MDGA2: variants seen among roughly 807,000 people sequenced by gnomAD.
The protein encoded by MDGA2 is MAM domain containing glycosylphosphatidylinositol anchor 2.
MDGA2 carries 40 observed loss-of-function variants against 117.8 expected under a neutral mutation model. The observed-to-expected ratio is 0.34, with a 90% CI of 0.26 to 0.44. MDGA2 has a LOEUF of 0.44. MDGA2 is among the 20% of genes least tolerant of loss of function. The pLI is 1.00. For missense variants in MDGA2, 1,123 were observed against 1,250.6 expected (o/e 0.90, Z 1.54); for synonymous variants, 452 against 439.0 (o/e 1.03, Z -0.37).
chr14:47,372,215 C>T (rs1891375878), intron 1 of MDGA2, among the ~76,000 whole-genome samples: 1 of 151,256 alleles, frequency 6.6e-6, no homozygotes, highest in South Asian at 2.1e-4. Context: ...CTGAGCAAAC[C>T]ACAATGACTG....
intron 2 of MDGA2, among the ~76,000 whole-genome samples, chr14:47,253,407 C>T (rs1887511947): frequency 1.3e-5 from 2 of 152,174 alleles, no homozygotes; most frequent in Non-Finnish European, 2.9e-5. Context: ...ACACCAGTTC[C>T]AAATGAAAGA....
chr14:47,664,021 A>C (rs1897897298), intron 1 of MDGA2, among the ~76,000 whole-genome samples: 1 of 152,112 alleles, frequency 6.6e-6, no homozygotes, highest in Non-Finnish European at 1.5e-5. Flanking sequence ...TTTAGGATAC[A>C]CTAATGTTCT....
At chr14:47,477,883 G>C (rs1389291884) in intron 1 of MDGA2, among the ~76,000 whole-genome samples, 3 of 152,106 alleles carry the variant, frequency 2.0e-5, no homozygotes, top group Non-Finnish European at 4.4e-5. Context: ...TTCTTTTATA[G>C]AGGAGAAAAC....
At chr14:46,873,189 T>TC (rs1882084796) in intron 14 of MDGA2, 1 of 384,340 alleles carries the variant, frequency 2.6e-6, no homozygotes. Flanking sequence ...AACTCATTGA[T>TC]TGTCTACCTG....
At chr14:47,389,589 AACACACACACACACACCCAC>A (rs752195926) in intron 1 of MDGA2, among the ~76,000 whole-genome samples, 13,955 of 130,494 alleles carry the variant, frequency 0.11, 911 homozygotes, top group Non-Finnish European at 0.13. Context: ...TTTGCAGGAA[AACACACACACACACACCCAC>A]ACACACACAC....
At chr14:47,171,019 A>C (rs1261917346) in intron 3 of MDGA2, among the ~76,000 whole-genome samples, 1 of 152,228 alleles carries the variant, frequency 6.6e-6, no homozygotes, top group Non-Finnish European at 1.5e-5. Flanking sequence ...ATATTGGCTT[A>C]ATAAATATAG....
At chr14:47,332,080 A>G (rs746271094) in intron 1 of MDGA2, among the ~76,000 whole-genome samples, 20 of 152,046 alleles carry the variant, frequency 1.3e-4, no homozygotes, top group Admixed American at 4.6e-4. Context: ...ACACAAAATA[A>G]TAATATTGAG....
chr14:46,844,329 C>T (rs981578515), intron 16 of MDGA2, among the ~76,000 whole-genome samples: 9 of 152,086 alleles, frequency 5.9e-5, no homozygotes, highest in Admixed American at 4.6e-4. Context: ...CCTGTAATCC[C>T]AGCAGTTTGG....
chr14:47,355,487 G>T (rs376313912), intron 1 of MDGA2, among the ~76,000 whole-genome samples: 4 of 152,196 alleles, frequency 2.6e-5, no homozygotes, highest in South Asian at 4.1e-4. Context: ...AGGGATAAGA[G>T]AAATGGGATG....
At chr14:47,474,061 C>T (rs568951519) in intron 1 of MDGA2, among the ~76,000 whole-genome samples, 5 of 152,150 alleles carry the variant, frequency 3.3e-5, no homozygotes, top group South Asian at 4.1e-4. Flanking sequence ...GCAGATGACA[C>T]GATCCTATAT....
At chr14:47,603,654 TCTG>T (rs1177177630) in intron 1 of MDGA2, among the ~76,000 whole-genome samples, 1 of 152,148 alleles carries the variant, frequency 6.6e-6, no homozygotes, top group Non-Finnish European at 1.5e-5. Context: ...GTTCTCTCTT[TCTG>T]CTCTCTTCCC....
intron 2 of MDGA2, among the ~76,000 whole-genome samples, chr14:47,279,930 G>A (rs1052904683): frequency 3.9e-5 from 6 of 152,008 alleles, no homozygotes; most frequent in African/African-American, 1.4e-4. Context: ...GAGTGCAGTG[G>A]CACAATCATA....
intron 14 of MDGA2, among the ~76,000 whole-genome samples, chr14:46,856,497 GCTT>G (rs1245708220): frequency 6.6e-6 from 1 of 151,874 alleles, no homozygotes; most frequent in Non-Finnish European, 1.5e-5. Flanking sequence ...TAGTAATCAG[GCTT>G]CTATCACTAA....
In MDGA2 at chr14:47,675,308, G is replaced by C. The variant is rs1228951207; in HGVS notation, c.-512C>G. ...GATACAGACTCGCATCGCCGAACGG[G>C]GAGAGGAGGAAGAGGAGGAGGAGGA... On this transcript the variant is annotated 5_prime_UTR_variant, in exon 1 of 17. Transcript: ENST00000399232. 7.0e-6 allele frequency among the ~76,000 whole-genome samples: 1 copy of C among 141,874 alleles called. No individual in the cohort carries two copies. Among genetic ancestry groups the C allele is most frequent in the Non-Finnish European group, 1.5e-5 (1 of 65,552 alleles). The allele number at this position is 141,874 out of a possible 152,430, so 93.1% of individuals were successfully genotyped here.
intron 4 of MDGA2, among the ~76,000 whole-genome samples, chr14:47,140,333 T>C (rs571355463): frequency 7.9e-5 from 12 of 152,000 alleles, no homozygotes; most frequent in African/African-American, 2.6e-4. Flanking sequence ...GAAAACACAA[T>C]CCAAAATTTC....
intron 1 of MDGA2, among the ~76,000 whole-genome samples, chr14:47,494,561 C>G (rs985752694): frequency 2.0e-5 from 3 of 152,060 alleles, no homozygotes; most frequent in Non-Finnish European, 2.9e-5. Context: ...GTTTTTGTTG[C>G]ATTTTCTTTT....
chr14:47,411,173 T>C (rs1892364207), intron 1 of MDGA2, among the ~76,000 whole-genome samples: 1 of 152,124 alleles, frequency 6.6e-6, no homozygotes, highest in Non-Finnish European at 1.5e-5. Context: ...AAAGGCAAGA[T>C]AATATGAATT....
At chr14:47,152,463 T>C (rs772196961) in intron 3 of MDGA2, among the ~76,000 whole-genome samples, 1 of 152,182 alleles carries the variant, frequency 6.6e-6, no homozygotes, top group Non-Finnish European at 1.5e-5. Context: ...TTCATTTTTA[T>C]AGAAACCTCG....
At chr14:47,573,188 C>A (rs1460984312) in intron 1 of MDGA2, among the ~76,000 whole-genome samples, 2 of 152,066 alleles carry the variant, frequency 1.3e-5, no homozygotes, top group East Asian at 3.9e-4. Flanking sequence ...GAAACATTAA[C>A]AGATATAAGT....
Sources: gnomAD v4.1 joint callset for allele counts (sites outside exome capture counted in the v4.1 genomes callset) on GRCh38, gnomAD v4.1.1 for gene constraint, MANE v1.5 for transcripts, NCBI Gene and HGNC (gene_info 2026-07-23, HGNC 2026-07-21) for gene names.